The following PELI2 variants were observed in gnomAD, a reference collection of about 807,000 sequenced individuals.
The protein encoded by PELI2 is pellino E3 ubiquitin protein ligase family member 2.
Under a neutral mutation model 42.3 loss-of-function variants are expected in PELI2, and 23 were observed. The observed-to-expected ratio is 0.54, with a 90% CI of 0.39 to 0.77. The LOEUF (loss-of-function observed/expected upper bound fraction) is 0.77, where lower values mean the gene tolerates loss of function less well. Ranked by LOEUF, PELI2 falls within the 30% of genes least tolerant of loss-of-function variation. PELI2 has a pLI of 0.00. For missense variants in PELI2, 463 were observed against 553.2 expected (o/e 0.84, Z 1.64); for synonymous variants, 245 against 212.2 (o/e 1.15, Z -1.34).
At chr14:56,228,601 A>AT (rs1887445507) in intron 2 of PELI2, among the ~76,000 whole-genome samples, 1 of 152,194 alleles carries the variant, frequency 6.6e-6, no homozygotes, top group Non-Finnish European at 1.5e-5. Flanking sequence ...CACCTGCTTA[A>AT]TTTGCGTTAA....
intron 2 of PELI2, among the ~76,000 whole-genome samples, chr14:56,198,158 A>G (rs1886208273): frequency 6.6e-6 from 1 of 152,192 alleles, no homozygotes; most frequent in African/African-American, 2.4e-5. Context: ...TAATGTATGG[A>G]TGATGATGCC....
At chr14:56,200,315 T>TGTAGTTGTTATTG (rs1284380614) in intron 2 of PELI2, among the ~76,000 whole-genome samples, 1 of 65,528 alleles carries the variant, frequency 1.5e-5, no homozygotes, top group African/African-American at 3.9e-5. Flanking sequence ...ATATTTTTTT[T>TGTAGTTGTTATTG]TACTTTCCCT....
At chr14:56,181,839 A>AGT (rs1885593791) in intron 2 of PELI2, among the ~76,000 whole-genome samples, 1 of 122,100 alleles carries the variant, frequency 8.2e-6, no homozygotes. Flanking sequence ...CTGATTATGT[A>AGT]ATGTGTGTGT....
At chr14:56,200,080 G>C (rs982767156) in intron 2 of PELI2, among the ~76,000 whole-genome samples, 2 of 152,222 alleles carry the variant, frequency 1.3e-5, no homozygotes, top group Non-Finnish European at 2.9e-5. Context: ...TTTAAAGACA[G>C]AATTCAAGGC....
Position 56,163,856 on chromosome 14 carries a change from T to C in PELI2, c.78-14479T>C, listed in dbSNP as rs146078187. On this transcript the variant is annotated intron_variant, in intron 1 of 5. Coordinates refer to ENST00000267460, the MANE Select transcript of PELI2 (RefSeq NM_021255.3). ...TTACGTTTAAAATTTCTTTTTCATG[T>C]TGTTCAGTATTGGCACATAGAAATG... is the stretch of plus-strand genomic sequence containing the variant. 2.6e-3 allele frequency among the ~76,000 whole-genome samples: 396 copies of C among 152,286 alleles called. 4 individuals carry two copies. Among genetic ancestry groups the C allele is most frequent in the African/African-American group, 8.0e-3 (331 of 41,578 alleles).
Position 56,265,481 on chromosome 14 carries a change from A to T in PELI2, c.208-14195A>T, listed in dbSNP as rs188517092. ...TACAAAAAGTAGTTCATCATGGATCATAAAACTAAATATAAAACTTCTAAG... is the reference window on the plus strand; with the variant it reads ...TACAAAAAGTAGTTCATCATGGATCTTAAAACTAAATATAAAACTTCTAAG... On this transcript the variant is annotated intron_variant, in intron 2 of 5. Transcript: ENST00000267460. 2.1e-4 allele frequency among the ~76,000 whole-genome samples: 32 copies of T among 152,298 alleles called. No individual in the cohort carries two copies. In the East Asian group the frequency reaches 6.0e-3, roughly 28 times the overall value.
intron 2 of PELI2, among the ~76,000 whole-genome samples, chr14:56,258,550 T>C (rs1448504810): frequency 7.3e-5 from 11 of 150,706 alleles, no homozygotes; most frequent in African/African-American, 2.4e-4. Flanking sequence ...GTGATGAAAC[T>C]TCTGAAGGTG....
chr14:56,130,600 G>A (rs528458823), intron 1 of PELI2, among the ~76,000 whole-genome samples: 2 of 152,064 alleles, frequency 1.3e-5, no homozygotes, highest in African/African-American at 2.4e-5. Flanking sequence ...GCCCACATAT[G>A]CGCTTTGCCC....
intron 1 of PELI2, among the ~76,000 whole-genome samples, chr14:56,160,416 G>T (rs1050877616): frequency 1.3e-5 from 2 of 152,224 alleles, no homozygotes; most frequent in South Asian, 4.1e-4. Flanking sequence ...TTTACTTCGG[G>T]TGAGGGTAGG....
intron 1 of PELI2, among the ~76,000 whole-genome samples, chr14:56,172,491 G>A (rs1483080567): frequency 6.6e-6 from 1 of 152,238 alleles, no homozygotes; most frequent in Non-Finnish European, 1.5e-5. Flanking sequence ...GGGAGAAGAA[G>A]CCCTCTTTAA....
Position 56,300,398 on chromosome 14 carries a change from G to T in PELI2, c.*3232G>T, listed in dbSNP as rs1182925849. ...ATTATTTTAAGTTATTACATTTACT[G>T]TATTGGGAAACTTGAGGAGAACTCT... On this transcript the variant is annotated 3_prime_UTR_variant, in exon 6 of 6. Coordinates refer to ENST00000267460, the MANE Select transcript of PELI2 (RefSeq NM_021255.3). The T allele has an allele frequency of 6.6e-6, 1 of 151,472 alleles. No homozygotes were observed. Among genetic ancestry groups the T allele is most frequent in the African/African-American group, 2.4e-5 (1 of 41,098 alleles). 9.4% of individuals were successfully genotyped at this position (151,472 alleles called of 1,614,324 possible).
chr14:56,253,203 AAAT>A (rs762770041), intron 2 of PELI2, among the ~76,000 whole-genome samples: 16 of 152,194 alleles, frequency 1.1e-4, no homozygotes, highest in Non-Finnish European at 1.9e-4. Flanking sequence ...ATGTATCTCA[AAAT>A]AATAAGAGCT....
chr14:56,200,301 T>A (rs1441375633), intron 2 of PELI2, among the ~76,000 whole-genome samples: 1 of 152,264 alleles, frequency 6.6e-6, no homozygotes, highest in East Asian at 1.9e-4. Flanking sequence ...AATAAGCACT[T>A]TGCATATTTT....
At chr14:56,165,658 A>G (rs895132473) in intron 1 of PELI2, among the ~76,000 whole-genome samples, 1 of 152,168 alleles carries the variant, frequency 6.6e-6, no homozygotes, top group Non-Finnish European at 1.5e-5. Flanking sequence ...TGTTTGGAAG[A>G]TCTGTTCAGT....
chr14:56,174,122 C>T (rs745895439), intron 1 of PELI2, among the ~76,000 whole-genome samples: 7 of 152,118 alleles, frequency 4.6e-5, no homozygotes, highest in Non-Finnish European at 8.8e-5. Flanking sequence ...AGGCTGGTTT[C>T]GAACTCCTGA....
At chr14:56,134,725 C>T (rs1345973329) in intron 1 of PELI2, among the ~76,000 whole-genome samples, 1 of 150,208 alleles carries the variant, frequency 6.7e-6, no homozygotes, top group Non-Finnish European at 1.5e-5. Context: ...ATTTTTTTCT[C>T]TCTTTTTTAA....
chr14:56,151,922 A>G (rs564115302), intron 1 of PELI2, among the ~76,000 whole-genome samples: 3 of 152,180 alleles, frequency 2.0e-5, no homozygotes, highest in African/African-American at 7.2e-5. Flanking sequence ...TTTCTCATCA[A>G]ATAGCCCAAA....
At chr14:56,282,423 T>C (rs912852318) in intron 3 of PELI2, among the ~76,000 whole-genome samples, 7 of 152,030 alleles carry the variant, frequency 4.6e-5, no homozygotes, top group Non-Finnish European at 8.8e-5. Context: ...TATGGTAAAA[T>C]GGTTTAAATC....
At position 56,290,375 on chromosome 14, in the gene PELI2, C is replaced by T. The variant is rs200172497; in HGVS notation, c.615C>T (p.Pro205=). ...PRGGFTEESQ[P]GVWREISVCG... is the part of the protein sequence containing the mutation. ...GGGGCTTCACCGAGGAGTCCCAGCCCGGGGTCTGGCGCGAGATCTCTGTCT... is the reference window on the plus strand; with the variant it reads ...GGGGCTTCACCGAGGAGTCCCAGCCTGGGGTCTGGCGCGAGATCTCTGTCT... Residue 205 remains proline (P), a synonymous_variant, in exon 5 of 6, where the codon CCC becomes CCT. Coordinates refer to ENST00000267460, the MANE Select transcript of PELI2 (RefSeq NM_021255.3). 302 of 1,613,754 alleles carry T rather than the reference C, an allele frequency of 1.9e-4. 1 individual carries two copies. The Middle Eastern group carries it at 4.5e-3, about 24-fold the overall frequency.
Sources: gnomAD v4.1 joint callset for allele counts (sites outside exome capture counted in the v4.1 genomes callset) on GRCh38, gnomAD v4.1.1 for gene constraint, MANE v1.5 for transcripts, NCBI Gene and HGNC (gene_info 2026-07-23, HGNC 2026-07-21) for gene names.